The following MGAM variants were observed in gnomAD, a reference collection of about 807,000 sequenced individuals.
MGAM encodes the protein alpha-1,4-glucosidase.
A neutral mutation model predicts 358.8 loss-of-function variants in MGAM; 253 were observed. The ratio of observed to expected loss-of-function variants is 0.71; its 90% CI spans 0.64 to 0.78. MGAM has a LOEUF of 0.78. Among genes scored for constraint, MGAM ranks in the 30% least tolerant of loss-of-function variants. The pLI is 0.00. For missense variants in MGAM, 3,080 were observed against 3,432.6 expected, an observed-to-expected ratio of 0.90 and a Z score of 2.57; for synonymous variants, 1,105 against 1,227.1, an observed-to-expected ratio of 0.90 and a Z score of 2.08.
chr7:141,994,007 C>CT (rs1219553925), upstream of MGAM, among the ~76,000 whole-genome samples: 1 of 152,150 alleles, frequency 6.6e-6, no homozygotes, highest in Admixed American at 6.5e-5. Flanking sequence ...TCATGAGTAG[C>CT]TGGGATTACA....
chr7:141,988,612 G>C (rs1554446695), intron 2 of MGAM, among the ~76,000 whole-genome samples: 1 of 152,122 alleles, frequency 6.6e-6, no homozygotes, highest in Non-Finnish European at 1.5e-5. Flanking sequence ...TGATCCACCT[G>C]CTTCGGCCTC....
At position 142,036,892 on chromosome 7, in the gene MGAM, C is replaced by G. The variant is rs782806699; in HGVS notation, c.2146C>G (p.Arg716Gly). Residue 716 changes from arginine to glycine, a missense_variant, in exon 18 of 71, where the codon CGC becomes GGC. By Grantham distance (125) the Arg-to-Gly change is moderately radical. Coordinates refer to ENST00000475668, the MANE Select transcript of MGAM (RefSeq NM_001365693.1). ...TTCCTCCAGGCACTACCTTAACATC[C>G]GCTATACTCTATTGCCCTACCTATA... is the stretch of plus-strand genomic sequence containing the variant. ...LNSSRHYLNIRYTLLPYLYTL... is the reference protein window; with the variant it reads ...LNSSRHYLNIGYTLLPYLYTL... The G allele has an allele frequency of 1.2e-6, 2 of 1,613,604 alleles. No homozygotes were observed. The highest frequency in any genetic ancestry group is 2.2e-5 in the East Asian group (1 of 44,874).
At chr7:142,033,147 T>C (rs771028841) in intron 14 of MGAM, among the ~76,000 whole-genome samples, 14 of 152,176 alleles carry the variant, frequency 9.2e-5, no homozygotes, top group Non-Finnish European at 1.9e-4. Flanking sequence ...TCAAAGCTAT[T>C]TCTAGGGAAG....
At chr7:142,063,749 G>A (rs879821290) in intron 36 of MGAM, among the ~76,000 whole-genome samples, 163 bp downstream of exon 36, 15 of 152,204 alleles carry the variant, frequency 9.9e-5, no homozygotes, top group Admixed American at 2.0e-4. Flanking sequence ...TTACCCAGCC[G>A]GGCATGGGCA....
chr7:142,086,313 C>G lies in MGAM; in HGVS notation c.6732C>G (p.Asp2244Glu), dbSNP rs1421236331. ...TCATCAAGTACCCAAATGATGGAGA[C>G]ATTGTCTGGGGAAAGGTATAATCCT... ...DVFIKYPNDG[D>E]IVWGKVWPDF... Residue 2244 changes from aspartate (D) to glutamate (E), a missense_variant, in exon 56 of 71, where the codon GAC becomes GAG. Transcript: ENST00000475668. 6 of 1,534,308 alleles carry G rather than the reference C, an allele frequency of 3.9e-6. No homozygotes were observed. In the African/African-American group the frequency reaches 5.4e-5, roughly 14 times the overall value.
In MGAM at chr7:142,085,886, C is replaced by T; in HGVS notation, c.6561C>T (p.Leu2187=). 1.3e-6 allele frequency: 2 copies of T among 1,566,210 alleles called. No individual in the cohort carries two copies. Among genetic ancestry groups the T allele is most frequent in the South Asian group, 2.2e-5 (2 of 89,346 alleles). The change falls in exon 55 of 71, where the codon CTC becomes CTT. Residue 2187 remains leucine, a synonymous_variant. Transcript: ENST00000475668. ...DYMERQLDFT[L]SPKFAGFPAL... is the part of the protein sequence containing the mutation. ...TGGAGCGGCAGCTGGACTTCACCCT[C>T]AGCCCCAAGTTTGCCGGGTTTCCAG...
chr7:142,003,497 G>A (rs1484247741), intron 1 of MGAM, among the ~76,000 whole-genome samples: 1 of 151,956 alleles, frequency 6.6e-6, no homozygotes, highest in African/African-American at 2.4e-5. Context: ...TGGGAAAACT[G>A]GGATGTCATA....
intron 35 of MGAM, among the ~76,000 whole-genome samples, chr7:142,063,118 A>G (rs951677958): frequency 2.0e-5 from 3 of 152,152 alleles, no homozygotes; most frequent in Non-Finnish European, 4.4e-5. Flanking sequence ...GAATCGCTTG[A>G]ACATAGGAGG....
intron 47 of MGAM, 47 bp from the exon 48 acceptor site, chr7:142,078,271 C>A (rs1432471176): frequency 2.3e-6 from 3 of 1,332,234 alleles, no homozygotes; most frequent in Non-Finnish European, 3.0e-6. Flanking sequence ...TTTTGCAAGG[C>A]CTTTCTCCCA....
intron 3 of MGAM, among the ~76,000 whole-genome samples, chr7:142,012,965 C>G (rs1805709218): frequency 6.6e-6 from 1 of 152,064 alleles, no homozygotes; most frequent in Admixed American, 6.6e-5. Flanking sequence ...TCTTAAATAC[C>G]ACACCTAAAC....
intron 21 of MGAM, among the ~76,000 whole-genome samples, chr7:142,043,779 C>A (rs1185024791): frequency 1.3e-5 from 1 of 79,072 alleles, no homozygotes; most frequent in Non-Finnish European, 2.9e-5. Flanking sequence ...ACATTATATA[C>A]ACATACGACA....
intron 1 of MGAM, among the ~76,000 whole-genome samples, chr7:142,001,084 G>A (rs1489760085): frequency 6.6e-6 from 1 of 152,142 alleles, no homozygotes; most frequent in African/African-American, 2.4e-5. Flanking sequence ...AGGCATGAGA[G>A]ATTATTAATC....
chr7:142,022,138 C>T (rs1312964381), intron 6 of MGAM, 130 bp from the exon 7 acceptor site: 1 of 851,278 alleles, frequency 1.2e-6, no homozygotes, highest in East Asian at 2.7e-5. Flanking sequence ...AAAAATGTCA[C>T]AGGAGGGCAA....
At chr7:142,046,753 G>C (rs1810449413) in intron 21 of MGAM, among the ~76,000 whole-genome samples, 1 of 152,044 alleles carries the variant, frequency 6.6e-6, no homozygotes, top group Non-Finnish European at 1.5e-5. Context: ...ATATTTTACT[G>C]GGTAAGTCTC....
intron 45 of MGAM, among the ~76,000 whole-genome samples, chr7:142,075,912 T>C (rs569115147): frequency 1.4e-5 from 2 of 146,062 alleles, no homozygotes; most frequent in East Asian, 4.0e-4. Context: ...TTCCATACAA[T>C]CCCATGAATT....
rs767060974 is a variant in MGAM, at chr7:142,102,607, T to C, written c.7964-23T>C. On this transcript the variant is annotated intron_variant, in intron 68 of 70. Coordinates refer to ENST00000475668, the MANE Select transcript of MGAM (RefSeq NM_001365693.1). ...TTCTACAGCACAGGTCCAGGCCATG[T>C]TTATCTTGTTTTTTGTTTGCAGATA... 3.7e-6 allele frequency: 6 copies of C among 1,610,320 alleles called. No homozygotes were observed. In the East Asian group the frequency reaches 1.3e-4, roughly 36 times the overall value.
In MGAM at chr7:142,065,958, G is replaced by GTTTTTTT. The variant is rs1477940566; in HGVS notation, c.4770+131_4770+132insTTTTTTT. On this transcript the variant is annotated intron_variant, in intron 40 of 70. Coordinates refer to ENST00000475668, the MANE Select transcript of MGAM (RefSeq NM_001365693.1). Reference sequence around the variant, plus strand: ...AAAAAAAGGTGTTTTTTTTTGTTTTGTTTTGTTTTGTTTTTTTTTTTGAAA... The same window carrying GTTTTTTT: ...AAAAAAAGGTGTTTTTTTTTGTTTTGTTTTTTTTTTTGTTTTGTTTTTTTTTTTGAAA... 3 of 743,306 alleles carry GTTTTTTT rather than the reference G, an allele frequency of 4.0e-6. No homozygotes were observed. In the African/African-American group the frequency reaches 6.5e-5, roughly 16 times the overall value. The allele number at this position is 743,306 out of a possible 1,614,324, so 46.0% of individuals were successfully genotyped here. A position where few individuals can be genotyped will look rare whatever the true frequency, so the allele number is the denominator to read the frequency against.
intron 31 of MGAM, 101 bp downstream of exon 31, chr7:142,058,429 A>T (rs905842347): frequency 3.2e-5 from 50 of 1,559,220 alleles, no homozygotes; most frequent in East Asian, 1.6e-4. Context: ...AAAGACATAA[A>T]GTTCTTTTTC....
At chr7:142,041,228 C>A (rs1301273191) in intron 21 of MGAM, among the ~76,000 whole-genome samples, 1 of 152,204 alleles carries the variant, frequency 6.6e-6, no homozygotes, top group African/African-American at 2.4e-5. Flanking sequence ...CTGAATTTTC[C>A]TTTATATGTA....
Sources: allele counts gnomAD v4.1 joint callset (sites outside exome capture counted in the v4.1 genomes callset), GRCh38; gene constraint gnomAD v4.1.1; transcripts MANE v1.5; gene names NCBI Gene and HGNC (gene_info 2026-07-23, HGNC 2026-07-21).